SORCS2: variants seen among roughly 807,000 people sequenced by gnomAD.
The protein encoded by SORCS2 is VPS10 domain-containing receptor SorCS2.
A neutral mutation model predicts 141.6 loss-of-function variants in SORCS2; 100 were observed. The ratio of observed to expected loss-of-function variants is 0.71; its 90% CI spans 0.60 to 0.83. The LOEUF (loss-of-function observed/expected upper bound fraction) is 0.83, where lower values mean the gene tolerates loss of function less well. SORCS2 is among the 40% of genes least tolerant of loss of function. The probability of loss-of-function intolerance (pLI) is 0.00; values close to 1 mark genes in which losing one functional copy is unlikely to be tolerated. For synonymous variants in SORCS2, 789 were observed against 676.9 expected, an observed-to-expected ratio of 1.17 and a Z score of -2.57; for missense variants, 1,646 against 1,560.2, an observed-to-expected ratio of 1.05 and a Z score of -0.93.
At chr4:7,318,231 T>C (rs1272128076) in intron 1 of SORCS2, among the ~76,000 whole-genome samples, 1 of 152,160 alleles carries the variant, frequency 6.6e-6, no homozygotes, top group African/African-American at 2.4e-5. Flanking sequence ...GGGAGGTAAG[T>C]CCCTGAAGAT....
intron 2 of SORCS2, among the ~76,000 whole-genome samples, chr4:7,528,031 GTC>G (rs1321789701): frequency 6.6e-6 from 1 of 150,856 alleles, no homozygotes; most frequent in Non-Finnish European, 1.5e-5. Context: ...CTCTGTCTCT[GTC>G]TCTCTCTCTG....
intron 1 of SORCS2, among the ~76,000 whole-genome samples, chr4:7,207,998 G>A (rs997021501): frequency 7.9e-5 from 12 of 152,152 alleles, no homozygotes; most frequent in Admixed American, 3.9e-4. Context: ...GGGGCGGGAA[G>A]GGAGTTTTCG....
At chr4:7,718,328 A>G in intron 18 of SORCS2, 145 bp downstream of exon 18, 2 of 905,150 alleles carry the variant, frequency 2.2e-6, no homozygotes, top group Non-Finnish European at 3.2e-6. Context: ...AGACTGAAGG[A>G]GGCAGCAGGG....
At chr4:7,306,987 CGGTGCCT>C (rs1267040384) in intron 1 of SORCS2, among the ~76,000 whole-genome samples, 4 of 152,202 alleles carry the variant, frequency 2.6e-5, no homozygotes, top group Admixed American at 1.3e-4. Context: ...GGAGCTGATT[CGGTGCCT>C]GGGAGAGTCT....
At chr4:7,673,845 T>C (rs1722935594) in intron 8 of SORCS2, among the ~76,000 whole-genome samples, 1 of 151,728 alleles carries the variant, frequency 6.6e-6, no homozygotes, top group Non-Finnish European at 1.5e-5. Context: ...ATAATCTCAG[T>C]CCCCCCACCA....
intron 11 of SORCS2, 121 bp from the exon 12 acceptor site, chr4:7,697,077 G>A (rs1724759788): frequency 1.3e-6 from 1 of 761,632 alleles, no homozygotes; most frequent in African/African-American, 1.7e-5. Flanking sequence ...CAGGTCTGTG[G>A]GGGATATGGA....
rs1711971767 is a variant in SORCS2 at position 7,734,302 on chromosome 4, A to C, written c.3239A>C (p.Tyr1080Ser). ...GAEQLGGGGG[Y>S]WAVVVLFVIG... ...GAGCAGCTGGGCGGCGGTGGCGGCT[A>C]CTGGGCGGTAGTGGTGCTGTTTGTC... Residue 1080 changes from tyrosine (Y) to serine (S), a missense_variant, in exon 25 of 27, where the codon TAC becomes TCC. Transcript: ENST00000507866. 7 of 1,603,368 alleles carry C rather than the reference A, an allele frequency of 4.4e-6. No individual in the cohort carries two copies. Among genetic ancestry groups the C allele is most frequent in the Non-Finnish European group, 6.0e-6 (7 of 1,176,072 alleles).
intron 2 of SORCS2, among the ~76,000 whole-genome samples, chr4:7,508,113 G>C (rs537458775): frequency 3.6e-4 from 54 of 152,034 alleles, no homozygotes; most frequent in African/African-American, 1.3e-3. Context: ...TGTTTGGTTT[G>C]GTTTAGCCAC....
intron 2 of SORCS2, among the ~76,000 whole-genome samples, chr4:7,455,692 G>A (rs1404135554): frequency 1.3e-5 from 2 of 151,126 alleles, no homozygotes; most frequent in South Asian, 2.1e-4. Flanking sequence ...GTCAGGTGCT[G>A]TGTTTGGGTC....
At chr4:7,612,687 G>C (rs1718491348) in intron 3 of SORCS2, among the ~76,000 whole-genome samples, 1 of 152,238 alleles carries the variant, frequency 6.6e-6, no homozygotes, top group South Asian at 2.1e-4. Context: ...TGGTCTGCTG[G>C]AAGGGATCAA....
intron 2 of SORCS2, among the ~76,000 whole-genome samples, chr4:7,503,789 C>T (rs553996457): frequency 1.3e-5 from 2 of 152,174 alleles, no homozygotes; most frequent in Non-Finnish European, 1.5e-5. Context: ...CAAAGGAGAC[C>T]GCTGGCCCCT....
chr4:7,505,546 G>C (rs186796385), intron 2 of SORCS2, among the ~76,000 whole-genome samples: 29 of 152,322 alleles, frequency 1.9e-4, no homozygotes, highest in Admixed American at 6.5e-5. Context: ...CCCTCTCACT[G>C]TCTCTCCTTT....
Position 7,740,747 on chromosome 4 carries a change from C to T in SORCS2, c.*483C>T, listed in dbSNP as rs892461711. 4.4e-5 allele frequency: 14 copies of T among 319,034 alleles called. No homozygotes were observed. The highest frequency in any genetic ancestry group is 9.8e-5 in the East Asian group (2 of 20,316). The allele number at this position is 319,034 out of a possible 1,614,324, so 19.8% of individuals were successfully genotyped here. A position where few individuals can be genotyped will look rare whatever the true frequency, so the allele number is the denominator to read the frequency against. ...GCCACCCAGTCCCTCTGTGGGAGCC[C>T]GGGTGCCAGGCCCTCCCAACACCAC... On this transcript the variant is annotated 3_prime_UTR_variant, in exon 27 of 27. Transcript: ENST00000507866.
At chr4:7,646,733 C>A (rs1442379219) in intron 4 of SORCS2, among the ~76,000 whole-genome samples, 2 of 152,214 alleles carry the variant, frequency 1.3e-5, no homozygotes, top group Non-Finnish European at 2.9e-5. Context: ...CCAACCCTGC[C>A]GATACCTTGA....
intron 2 of SORCS2, among the ~76,000 whole-genome samples, chr4:7,449,675 C>A (rs916763872): frequency 6.6e-6 from 1 of 151,940 alleles, no homozygotes; most frequent in African/African-American, 2.4e-5. Context: ...TCCTCCGGAG[C>A]CCCCACATCC....
chr4:7,440,941 A>C (rs1444180165), intron 2 of SORCS2, among the ~76,000 whole-genome samples: 1 of 152,172 alleles, frequency 6.6e-6, no homozygotes, highest in East Asian at 1.9e-4. Flanking sequence ...GGAGAGACAG[A>C]CCATGAATGA....
intron 3 of SORCS2, among the ~76,000 whole-genome samples, chr4:7,600,804 G>T (rs987281226): frequency 6.6e-6 from 1 of 151,940 alleles, no homozygotes; most frequent in East Asian, 1.9e-4. Flanking sequence ...AATCTCTTTC[G>T]TATGAGACTT....
chr4:7,281,330 T>A (rs1398658855), intron 1 of SORCS2, among the ~76,000 whole-genome samples: 2 of 152,134 alleles, frequency 1.3e-5, no homozygotes, highest in Non-Finnish European at 2.9e-5. Flanking sequence ...GCTGACATGT[T>A]GGCAAAACTG....
chr4:7,493,757 G>A (rs6857793), intron 2 of SORCS2, among the ~76,000 whole-genome samples: 95,101 of 152,030 alleles, frequency 0.63, 30,586 homozygotes, highest in East Asian at 0.9. Flanking sequence ...TGGACACAAT[G>A]CCATATGGAA....
Sources: gnomAD v4.1 joint callset for allele counts (sites outside exome capture counted in the v4.1 genomes callset) on GRCh38, gnomAD v4.1.1 for gene constraint, MANE v1.5 for transcripts, NCBI Gene and HGNC (gene_info 2026-07-23, HGNC 2026-07-21) for gene names.